HAO2: variants seen among roughly 807,000 people sequenced by gnomAD.
HAO2 encodes the protein hydroxyacid oxidase 2, also known as 2-Hydroxyacid oxidase 2.
A neutral mutation model predicts 37.4 loss-of-function variants in HAO2; 42 were observed. The observed-to-expected ratio is 1.12, with a 90% CI of 0.88 to 1.45. HAO2 has a LOEUF of 1.45. Among genes scored for constraint, HAO2 ranks in the 40% most tolerant of loss-of-function variants. The probability of loss-of-function intolerance (pLI) is 0.00; values close to 1 mark genes in which losing one functional copy is unlikely to be tolerated. For missense variants in HAO2, 476 were observed against 430.2 expected (o/e 1.11, Z -0.94); for synonymous variants, 180 against 162.8 (o/e 1.11, Z -0.81).
chr1:119,380,787 G>C, intron 1 of HAO2: 1 of 1,006,696 alleles, frequency 9.9e-7, no homozygotes, highest in Non-Finnish European at 1.6e-6. Context: ...CCTCAACTAG[G>C]TCTAAGGTGG....
chr1:119,371,656 C>G (rs958409843), intron 1 of HAO2, among the ~76,000 whole-genome samples: 6 of 152,070 alleles, frequency 3.9e-5, no homozygotes, highest in Non-Finnish European at 5.9e-5. Context: ...GTATTTTAAC[C>G]TCTTGAACTT....
chr1:119,378,931 C>A (rs1649696564), intron 1 of HAO2, among the ~76,000 whole-genome samples: 1 of 152,128 alleles, frequency 6.6e-6, no homozygotes, highest in South Asian at 2.1e-4. Context: ...TATCCTAATG[C>A]CTGGGAATAC....
At chr1:119,380,812 A>G in intron 1 of HAO2, 1 of 831,750 alleles carries the variant, frequency 1.2e-6, no homozygotes, top group Non-Finnish European at 2.0e-6. Context: ...TGTACAGTGG[A>G]GGAGAAGATA....
rs368560652 is a variant in HAO2, at chr1:119,392,712, T to G, written c.1000+25T>G. On this transcript the variant is annotated intron_variant, in intron 7 of 7. Coordinates refer to ENST00000325945, the MANE Select transcript of HAO2 (RefSeq NM_016527.4). ...GGTAAGTTAACATGTTTTCCCTGAT[T>G]TGGAACTTAAAGCAGGATGGCTAAA... 90 of 1,434,512 alleles carry G rather than the reference T, an allele frequency of 6.3e-5. No homozygotes were observed. The Admixed American group carries it at 1.5e-3, about 24-fold the overall frequency. 88.9% of individuals were successfully genotyped at this position (1,434,512 alleles called of 1,614,324 possible).
At chr1:119,383,955 T>G (rs1013120707) in intron 3 of HAO2, among the ~76,000 whole-genome samples, 11 of 152,138 alleles carry the variant, frequency 7.2e-5, no homozygotes, top group Admixed American at 5.2e-4. Flanking sequence ...GAATGTGTTG[T>G]TTGGGGGTAG....
chr1:119,378,504 T>C (rs1649660493), intron 1 of HAO2, among the ~76,000 whole-genome samples: 1 of 152,196 alleles, frequency 6.6e-6, no homozygotes, highest in Admixed American at 6.5e-5. Context: ...ACCTTCTCTG[T>C]CTTCTTCACA....
At chr1:119,372,473 G>A (rs1649111636) in intron 1 of HAO2, among the ~76,000 whole-genome samples, 1 of 152,210 alleles carries the variant, frequency 6.6e-6, no homozygotes, top group South Asian at 2.1e-4. Context: ...AAAAGGAAAT[G>A]AGATGGGAGA....
intron 2 of HAO2, 97 bp downstream of exon 2, chr1:119,381,313 CAGA>C: frequency 1.1e-6 from 1 of 869,616 alleles, no homozygotes; most frequent in African/African-American, 1.7e-5. Context: ...CCAAAAAACA[CAGA>C]TCACTCAAGA....
Position 119,391,967 on chromosome 1 carries a change from C to G in HAO2, c.772-143C>G, listed in dbSNP as rs891370373. On this transcript the variant is annotated intron_variant, in intron 5 of 7. Transcript: ENST00000325945. ...GAATGTGACTGCCGCTGCAGTTGAT[C>G]AGCGCTAGCAGCCTCAAGCATGGGA... is the stretch of plus-strand genomic sequence containing the variant. The G allele has an allele frequency of 7.1e-5, 41 of 578,210 alleles. 1 individual carries two copies. In the Admixed American group the frequency reaches 1.2e-3, roughly 17 times the overall value. The allele number at this position is 578,210 out of a possible 1,614,324, so 35.8% of individuals were successfully genotyped here.
Position 119,382,967 on chromosome 1 carries a change from A to C in HAO2, c.184A>C (p.Thr62Pro). 1 of 1,613,494 alleles carries C rather than the reference A, an allele frequency of 6.2e-7. No individual in the cohort carries two copies. ...AGATGTGTCTGAGGTGGACACCAGAACCACAATCCAAGGGGAGGAGATCAG... is the reference window on the plus strand; with the variant it reads ...AGATGTGTCTGAGGTGGACACCAGACCCACAATCCAAGGGGAGGAGATCAG... ...LRDVSEVDTR[T>P]TIQGEEISAP... The change falls in exon 3 of 8, where the codon ACC becomes CCC. Residue 62 changes from threonine (T) to proline (P), a missense_variant. Coordinates refer to ENST00000325945, the MANE Select transcript of HAO2 (RefSeq NM_016527.4).
chr1:119,392,453 A>G (rs926505535), intron 6 of HAO2, 165 bp from the exon 7 acceptor site: 7 of 710,870 alleles, frequency 9.8e-6, no homozygotes, highest in South Asian at 1.8e-5. Flanking sequence ...TTCATCCCCT[A>G]TCTTTGTCTC....
chr1:119,373,422 C>T (rs1448749093), intron 1 of HAO2, among the ~76,000 whole-genome samples: 1 of 152,112 alleles, frequency 6.6e-6, no homozygotes, highest in South Asian at 2.1e-4. Context: ...AGACAGAAGA[C>T]CTGAGTTCAT....
chr1:119,392,326 CT>C, intron 6 of HAO2, 58 bp downstream of exon 6: 1 of 1,387,046 alleles, frequency 7.2e-7, no homozygotes, highest in Non-Finnish European at 1.0e-6. Context: ...CATTTCTGTG[CT>C]TTCCTGTGGT....
At chr1:119,384,414 T>C (rs1650211979) in intron 3 of HAO2, among the ~76,000 whole-genome samples, 1 of 152,222 alleles carries the variant, frequency 6.6e-6, no homozygotes, top group Non-Finnish European at 1.5e-5. Flanking sequence ...TCCCTCATCC[T>C]CTGCCCTCTC....
chr1:119,391,118 A>G (rs756276056), intron 5 of HAO2, among the ~76,000 whole-genome samples: 6 of 152,054 alleles, frequency 3.9e-5, no homozygotes, highest in African/African-American at 4.8e-5. Context: ...TAAAGTAGAA[A>G]ATTATTTCCT....
At chr1:119,376,009 C>T (rs587643733) in intron 1 of HAO2, among the ~76,000 whole-genome samples, 1 of 152,284 alleles carries the variant, frequency 6.6e-6, no homozygotes, top group African/African-American at 2.4e-5. Context: ...AATCTCATGT[C>T]CTCACATTTC....
At chr1:119,373,749 A>C (rs368146361) in intron 1 of HAO2, among the ~76,000 whole-genome samples, 14 of 152,316 alleles carry the variant, frequency 9.2e-5, no homozygotes, top group East Asian at 5.8e-4. Context: ...CTCAAGCATC[A>C]TACTCCTCAT....
chr1:119,383,442 G>A (rs1174836808), intron 3 of HAO2, among the ~76,000 whole-genome samples: 1 of 152,228 alleles, frequency 6.6e-6, no homozygotes, highest in African/African-American at 2.4e-5. Context: ...GGCTAGGGCT[G>A]AATGGCAGAC....
chr1:119,375,174 G>A (rs587689165), intron 1 of HAO2, among the ~76,000 whole-genome samples: 1 of 152,200 alleles, frequency 6.6e-6, no homozygotes, highest in African/African-American at 2.4e-5. Flanking sequence ...AAAATAAAAT[G>A]GGAATACAAG....
Sources: gnomAD v4.1 joint callset for allele counts (sites outside exome capture counted in the v4.1 genomes callset) on GRCh38, gnomAD v4.1.1 for gene constraint, MANE v1.5 for transcripts, NCBI Gene and HGNC (gene_info 2026-07-23, HGNC 2026-07-21) for gene names.